SNX29: variants seen among roughly 807,000 people sequenced by gnomAD.
SNX29 encodes sorting nexin 29.
In SNX29, 78 loss-of-function variants were observed where a neutral mutation model predicts 102.1. The observed-to-expected ratio is 0.76, with a 90% CI of 0.64 to 0.92. The LOEUF is 0.92. SNX29 is among the 40% of genes least tolerant of loss of function. SNX29 has a pLI of 0.00. For missense variants in SNX29, 1,280 were observed against 1,061.7 expected, an observed-to-expected ratio of 1.21 and a Z score of -2.86; for synonymous variants, 580 against 414.5, an observed-to-expected ratio of 1.40 and a Z score of -4.85.
intron 4 of SNX29, among the ~76,000 whole-genome samples, chr16:12,037,189 G>C (rs1208916004): frequency 6.6e-6 from 1 of 152,208 alleles, no homozygotes; most frequent in Non-Finnish European, 1.5e-5. Context: ...CAGTGACTCA[G>C]CTCTGCCACT....
intron 20 of SNX29, among the ~76,000 whole-genome samples, chr16:12,525,714 A>G (rs909523905): frequency 1.9e-5 from 2 of 106,296 alleles, no homozygotes. Flanking sequence ...CCCCCCAAAA[A>G]AAAGAAAAAA....
chr16:12,173,167 C>G (rs372846504), intron 13 of SNX29, among the ~76,000 whole-genome samples: 3 of 152,102 alleles, frequency 2.0e-5, no homozygotes, highest in Non-Finnish European at 4.4e-5. Context: ...GAGTGACTGC[C>G]GGAGATAAAG....
intron 15 of SNX29, among the ~76,000 whole-genome samples, chr16:12,308,692 C>G (rs1177257597): frequency 6.6e-6 from 1 of 152,178 alleles, no homozygotes; most frequent in Non-Finnish European, 1.5e-5. Flanking sequence ...ATATTTTCTA[C>G]TGCTATTTAC....
chr16:12,506,988 A>G lies in SNX29; in HGVS notation c.2179-17714A>G, dbSNP rs1204944580. Among the ~76,000 whole-genome samples the G allele has an allele frequency of 3.3e-5, 5 of 152,358 alleles. No homozygotes were observed. The South Asian group carries it at 6.2e-4, about 19-fold the overall frequency. ...AGCAAAGACCATGTCTTGTATGCTT[A>G]TCTTGTGGTGGGGAAAATTATTGTA... On this transcript the variant is annotated intron_variant, in intron 19 of 20. Coordinates refer to ENST00000566228, the MANE Select transcript of SNX29 (RefSeq NM_032167.5).
chr16:12,448,140 G>A (rs2086145816), intron 18 of SNX29, among the ~76,000 whole-genome samples: 1 of 152,216 alleles, frequency 6.6e-6, no homozygotes, highest in African/African-American at 2.4e-5. Flanking sequence ...GAGCATTGAA[G>A]TTCAGAGGGG....
In SNX29 at chr16:12,571,814, C is replaced by T. The variant is rs1358179295; in HGVS notation, c.*3185C>T. On this transcript the variant is annotated 3_prime_UTR_variant, in exon 21 of 21. Transcript: ENST00000566228. ...TCCTGCAATCAGTGTGAAATTCCAG[C>T]TTCTTTGATTCCCACTTAGCAGTAT... 7.8e-6 allele frequency: 8 copies of T among 1,031,828 alleles called. No homozygotes were observed. The highest frequency in any genetic ancestry group is 4.3e-4 in the Middle Eastern group (1 of 2,328). 63.9% of individuals were successfully genotyped at this position (1,031,828 alleles called of 1,614,324 possible). A position where few individuals can be genotyped will look rare whatever the true frequency, so the allele number is the denominator to read the frequency against.
At chr16:12,401,981 GA>G (rs2083964556) in intron 17 of SNX29, among the ~76,000 whole-genome samples, 1 of 152,188 alleles carries the variant, frequency 6.6e-6, no homozygotes, top group Non-Finnish European at 1.5e-5. Context: ...CACCAATCCA[GA>G]AAAGTTAATA....
At chr16:12,192,842 C>T (rs776608617) in intron 13 of SNX29, among the ~76,000 whole-genome samples, 17 of 152,152 alleles carry the variant, frequency 1.1e-4, no homozygotes, top group Non-Finnish European at 2.1e-4. Context: ...GCTGGGATTA[C>T]AGGTGCCTGC....
At chr16:12,141,558 C>G (rs750616721) in intron 13 of SNX29, among the ~76,000 whole-genome samples, 9 of 152,234 alleles carry the variant, frequency 5.9e-5, no homozygotes, top group Non-Finnish European at 1.3e-4. Context: ...TGATTATATG[C>G]TAAACAAAAG....
chr16:12,503,660 G>A (rs2089233378), intron 19 of SNX29, among the ~76,000 whole-genome samples: 1 of 152,086 alleles, frequency 6.6e-6, no homozygotes, highest in Admixed American at 6.5e-5. Flanking sequence ...GCAGAACGGG[G>A]TCTCCTCTTC....
intron 19 of SNX29, among the ~76,000 whole-genome samples, chr16:12,490,201 G>C (rs146177940): frequency 5.3e-4 from 81 of 152,314 alleles, no homozygotes; most frequent in African/African-American, 1.7e-3. Context: ...TAGGCAAACA[G>C]CAATAGACCA....
intron 15 of SNX29, among the ~76,000 whole-genome samples, chr16:12,335,053 C>T (rs1482327082): frequency 6.6e-6 from 1 of 152,008 alleles, no homozygotes; most frequent in African/African-American, 2.4e-5. Flanking sequence ...GGTTGACTGT[C>T]GCTTCACTAC....
chr16:12,321,903 G>A lies in SNX29; in HGVS notation c.1783-34260G>A, dbSNP rs191688093. On this transcript the variant is annotated intron_variant, in intron 15 of 20. Coordinates refer to ENST00000566228, the MANE Select transcript of SNX29 (RefSeq NM_032167.5). Reference sequence around the variant, plus strand: ...AGCTGTGCCAGGGAGGTGGCCCAGCGTGGATGAGCTTTGGGATTTGTGTTA... The same window carrying A: ...AGCTGTGCCAGGGAGGTGGCCCAGCATGGATGAGCTTTGGGATTTGTGTTA... Among the ~76,000 whole-genome samples the A allele has an allele frequency of 1.1e-3, 172 of 152,288 alleles. 1 individual carries two copies. The highest frequency in any genetic ancestry group is 3.8e-3 in the African/African-American group (160 of 41,566).
chr16:12,553,052 A>G (rs950653740), intron 20 of SNX29, among the ~76,000 whole-genome samples: 3 of 152,190 alleles, frequency 2.0e-5, no homozygotes, highest in Admixed American at 6.5e-5. Flanking sequence ...CTAATTGGAG[A>G]TGGTAACTGC....
In SNX29 at chr16:11,993,026, G is replaced by A. The variant is rs139490956; in HGVS notation, c.8-6271G>A. 2.0e-3 allele frequency among the ~76,000 whole-genome samples: 305 copies of A among 152,102 alleles called. 1 individual carries two copies. Among genetic ancestry groups the A allele is most frequent in the Non-Finnish European group, 3.6e-3 (244 of 68,002 alleles). ...AAAATACAAAAAAAATTAGCCAAGC[G>A]TGGTGGTGGGCACCCGTAATCCCAG... On this transcript the variant is annotated intron_variant, in intron 1 of 20. Transcript: ENST00000566228.
At chr16:12,128,714 A>T (rs898200991) in intron 12 of SNX29, among the ~76,000 whole-genome samples, 1 of 152,082 alleles carries the variant, frequency 6.6e-6, no homozygotes, top group Non-Finnish European at 1.5e-5. Context: ...TGGCCTCCCT[A>T]AGTGCTGGAT....
At chr16:12,165,225 T>C (rs1050530595) in intron 13 of SNX29, among the ~76,000 whole-genome samples, 1 of 152,240 alleles carries the variant, frequency 6.6e-6, no homozygotes, top group African/African-American at 2.4e-5. Context: ...CTGTTGCTCA[T>C]GTGTTTCCTG....
At chr16:12,410,235 C>A (rs1226857786) in intron 18 of SNX29, among the ~76,000 whole-genome samples, 1 of 152,144 alleles carries the variant, frequency 6.6e-6, no homozygotes, top group Non-Finnish European at 1.5e-5. Flanking sequence ...ACCTCGTGAT[C>A]CACCTGCCTC....
chr16:12,111,656 G>C (rs570664026), intron 11 of SNX29, among the ~76,000 whole-genome samples: 2 of 152,350 alleles, frequency 1.3e-5, no homozygotes, highest in Admixed American at 1.3e-4. Context: ...CCACCCAGCA[G>C]AGCTTGTTTA....
Sources: gnomAD v4.1 joint callset for allele counts (sites outside exome capture counted in the v4.1 genomes callset) on GRCh38, gnomAD v4.1.1 for gene constraint, MANE v1.5 for transcripts, NCBI Gene and HGNC (gene_info 2026-07-23, HGNC 2026-07-21) for gene names.